Variants in RCOR1 observed in about 807,000 individuals in gnomAD.
The protein encoded by RCOR1 is REST corepressor.
A neutral mutation model predicts 64.0 loss-of-function variants in RCOR1; 12 were observed. The observed-to-expected ratio is 0.19, with a 90% CI of 0.12 to 0.30. The LOEUF is 0.30. RCOR1 is among the 10% of genes least tolerant of loss of function. RCOR1 has a pLI of 1.00. For synonymous variants in RCOR1, 279 were observed against 227.2 expected, an observed-to-expected ratio of 1.23 and a Z score of -2.05; for missense variants, 502 against 621.2, an observed-to-expected ratio of 0.81 and a Z score of 2.04.
At chr14:102,608,920 G>A (rs555531400) in intron 2 of RCOR1, among the ~76,000 whole-genome samples, 18 of 150,854 alleles carry the variant, frequency 1.2e-4, no homozygotes, top group South Asian at 6.3e-4. Context: ...ATTGTGAACC[G>A]TGCTGTTATG....
intron 4 of RCOR1, among the ~76,000 whole-genome samples, chr14:102,704,180 G>C (rs1225150066): frequency 6.6e-6 from 1 of 152,184 alleles, no homozygotes; most frequent in Non-Finnish European, 1.5e-5. Context: ...GAAGCAAAGA[G>C]GGCCTGCTTG....
chr14:102,654,992 G>A (rs976216201), intron 2 of RCOR1, among the ~76,000 whole-genome samples: 1 of 150,632 alleles, frequency 6.6e-6, no homozygotes, highest in East Asian at 2.0e-4. Context: ...AACATTTTTT[G>A]TAGAGATAAG....
Position 102,593,028 on chromosome 14 carries a change from G to GCC in RCOR1, c.142_143insCC (p.Gly48AlafsTer59). ...CTCGCCAGCCGCCACTGCCGCCTCGGGCGCCGCCGCCTCCTCAGCCTCGGC... is the reference window on the plus strand; with the variant it reads ...CTCGCCAGCCGCCACTGCCGCCTCGGCCGCGCCGCCGCCTCCTCAGCCTCGGC... On this transcript the variant is annotated frameshift_variant, in exon 1 of 12. Transcript: ENST00000262241. LOFTEE classifies it high-confidence loss of function. 7.9e-7 allele frequency: 1 copy of GCC among 1,263,256 alleles called. No homozygotes were observed. The highest frequency in any genetic ancestry group is 1.0e-6 in the Non-Finnish European group (1 of 997,280). 78.3% of individuals were successfully genotyped at this position (1,263,256 alleles called of 1,614,324 possible).
intron 3 of RCOR1, among the ~76,000 whole-genome samples, chr14:102,695,954 G>A (rs1895638196): frequency 6.6e-6 from 1 of 151,910 alleles, no homozygotes; most frequent in Admixed American, 6.6e-5. Context: ...GAGTGATAAT[G>A]GAACTATCAG....
intron 2 of RCOR1, among the ~76,000 whole-genome samples, chr14:102,626,047 C>T (rs1893974670): frequency 6.6e-6 from 1 of 152,176 alleles, no homozygotes; most frequent in African/African-American, 2.4e-5. Context: ...TCAGACTTAG[C>T]ACTCTACATC....
chr14:102,711,042 C>T (rs770415569), intron 7 of RCOR1, 29 bp downstream of exon 7: 22 of 1,420,862 alleles, frequency 1.5e-5, no homozygotes, highest in Admixed American at 2.2e-5. Flanking sequence ...ATTGTTTAGG[C>T]GAATAAATTT....
Position 102,727,439 on chromosome 14 carries a change from A to T in RCOR1, c.*933A>T, listed in dbSNP as rs1233139823. 1 of 152,628 alleles carries T rather than the reference A, an allele frequency of 6.6e-6. No individual in the cohort carries two copies. Among genetic ancestry groups the T allele is most frequent in the African/African-American group, 2.4e-5 (1 of 41,456 alleles). The allele number at this position is 152,628 out of a possible 1,614,324, so 9.5% of individuals were successfully genotyped here. A position where few individuals can be genotyped will look rare whatever the true frequency, so the allele number is the denominator to read the frequency against. On this transcript the variant is annotated 3_prime_UTR_variant, in exon 12 of 12. Transcript: ENST00000262241. ...CTTCTTTCAAGTTATTTGCTAGCCAAAGATGACATCACTGAGATTAGGAGA... is the reference window on the plus strand; with the variant it reads ...CTTCTTTCAAGTTATTTGCTAGCCATAGATGACATCACTGAGATTAGGAGA...
intron 11 of RCOR1, among the ~76,000 whole-genome samples, chr14:102,724,376 G>T (rs1896222838): frequency 6.6e-6 from 1 of 151,786 alleles, no homozygotes; most frequent in Non-Finnish European, 1.5e-5. Flanking sequence ...CCAGGCTGGA[G>T]TGCAGTGGCT....
intron 3 of RCOR1, among the ~76,000 whole-genome samples, chr14:102,688,178 C>G (rs1013267533): frequency 9.9e-5 from 15 of 152,106 alleles, no homozygotes; most frequent in Admixed American, 8.5e-4. Flanking sequence ...GTTGGCCAGG[C>G]TGGTCTTGAA....
chr14:102,637,911 ACACTGTACTGG>A (rs1319700799), intron 2 of RCOR1, among the ~76,000 whole-genome samples: 1 of 152,150 alleles, frequency 6.6e-6, no homozygotes, highest in Non-Finnish European at 1.5e-5. Flanking sequence ...CAGTGTTCAA[ACACTGTACTGG>A]AAGTAAATAA....
chr14:102,606,988 C>T (rs144391562), intron 2 of RCOR1, among the ~76,000 whole-genome samples: 125 of 141,664 alleles, frequency 8.8e-4, no homozygotes, highest in African/African-American at 3.3e-3. Flanking sequence ...GGCTGGAGTG[C>T]AGTGGTGTGA....
chr14:102,592,895 C>G lies in RCOR1; in HGVS notation c.9C>G (p.Ala3=). ...GGCCCCGGCCCCCGCCGATGCCGGCCATGGTGGAGAAGGGCCCCGAGGTCT... is the reference window on the plus strand; with the variant it reads ...GGCCCCGGCCCCCGCCGATGCCGGCGATGGTGGAGAAGGGCCCCGAGGTCT... MP[A]MVEKGPEVSG... is the part of the protein sequence containing the mutation. Residue 3 remains alanine, a synonymous_variant, in exon 1 of 12, where the codon GCC becomes GCG. Transcript: ENST00000262241. 1.5e-5 allele frequency: 18 copies of G among 1,233,236 alleles called. No individual in the cohort carries two copies. Among genetic ancestry groups the G allele is most frequent in the Non-Finnish European group, 1.7e-5 (17 of 983,866 alleles). The allele number at this position is 1,233,236 out of a possible 1,614,324, so 76.4% of individuals were successfully genotyped here. A position where few individuals can be genotyped will look rare whatever the true frequency, so the allele number is the denominator to read the frequency against.
chr14:102,651,829 C>T (rs879587616), intron 2 of RCOR1, among the ~76,000 whole-genome samples: 3 of 152,136 alleles, frequency 2.0e-5, no homozygotes, highest in Non-Finnish European at 4.4e-5. Flanking sequence ...CTGTCTTGAC[C>T]TCCCAAAGTG....
intron 3 of RCOR1, among the ~76,000 whole-genome samples, chr14:102,685,204 T>C (rs1895392461): frequency 6.6e-6 from 1 of 152,150 alleles, no homozygotes; most frequent in Non-Finnish European, 1.5e-5. Flanking sequence ...AAATAGTACA[T>C]AATGCATAAT....
chr14:102,598,410 G>A (rs1289740959), intron 2 of RCOR1, among the ~76,000 whole-genome samples: 1 of 151,802 alleles, frequency 6.6e-6, no homozygotes, highest in East Asian at 1.9e-4. Flanking sequence ...TGAATGAGGT[G>A]GATAGAGCAC....
At chr14:102,723,882 A>G (rs1478571423) in intron 11 of RCOR1, among the ~76,000 whole-genome samples, 1 of 152,166 alleles carries the variant, frequency 6.6e-6, no homozygotes, top group Non-Finnish European at 1.5e-5. Flanking sequence ...GATCAAAGCC[A>G]GTGTTGGCTG....
rs71119732 is a variant in RCOR1 at position 102,706,114 on chromosome 14, C to CAAAAAAAAAA, written c.499-1218_499-1209dup. On this transcript the variant is annotated intron_variant, in intron 4 of 11. Transcript: ENST00000262241. The stretch of plus-strand genomic sequence containing the variant: ...GGGCAAGGAGAGTGAAACCCTGTCT[C>CAAAAAAAAAA]AAAAAAAAAAAAAAAAAAAAAAAAA... 5.0e-3 allele frequency among the ~76,000 whole-genome samples: 106 copies of CAAAAAAAAAA among 21,340 alleles called. 6 individuals are homozygous for CAAAAAAAAAA. Among genetic ancestry groups the CAAAAAAAAAA allele is most frequent in the East Asian group, 0.013 (8 of 624 alleles). The allele number at this position is 21,340 out of a possible 152,430, so 14.0% of individuals were successfully genotyped here.
At chr14:102,679,214 T>C (rs1895253469) in intron 2 of RCOR1, among the ~76,000 whole-genome samples, 1 of 152,230 alleles carries the variant, frequency 6.6e-6, no homozygotes, top group Non-Finnish European at 1.5e-5. Flanking sequence ...AAGATTTCCA[T>C]GTGTTTTTCT....
intron 2 of RCOR1, among the ~76,000 whole-genome samples, chr14:102,638,953 G>A (rs919154354): frequency 6.6e-6 from 1 of 152,184 alleles, no homozygotes; most frequent in African/African-American, 2.4e-5. Context: ...GTGAACTACT[G>A]TGCCCAGCCT....
Sources: allele counts gnomAD v4.1 joint callset (sites outside exome capture counted in the v4.1 genomes callset), GRCh38; gene constraint gnomAD v4.1.1; transcripts MANE v1.5; gene names NCBI Gene and HGNC (gene_info 2026-07-23, HGNC 2026-07-21).